RIMS1: variants seen among roughly 807,000 people sequenced by gnomAD.
RIMS1 encodes regulating synaptic membrane exocytosis protein 1.
In RIMS1, 83 loss-of-function variants were observed where a neutral mutation model predicts 214.1. The ratio of observed to expected loss-of-function variants is 0.39; its 90% CI spans 0.32 to 0.47. The LOEUF is 0.47. Among genes scored for constraint, RIMS1 ranks in the 20% least tolerant of loss-of-function variants. The pLI is 0.99. For synonymous variants in RIMS1, 793 were observed against 786.8 expected (o/e 1.01, Z -0.13); for missense variants, 2,050 against 2,161.8 (o/e 0.95, Z 1.03).
chr6:72,217,198 G>A, intron 6 of RIMS1: 1 of 1,536,790 alleles, frequency 6.5e-7, no homozygotes, highest in South Asian at 1.2e-5. Context: ...TATGTTTGCT[G>A]GGTTTCTGCA....
At chr6:71,899,747 C>G (rs1486556236) in intron 1 of RIMS1, among the ~76,000 whole-genome samples, 2 of 152,074 alleles carry the variant, frequency 1.3e-5, no homozygotes, top group African/African-American at 4.8e-5. Flanking sequence ...CCATATGATC[C>G]CAACATGGCT....
intron 2 of RIMS1, among the ~76,000 whole-genome samples, chr6:72,089,313 C>G (rs1274147462): frequency 6.6e-6 from 1 of 152,126 alleles, no homozygotes; most frequent in African/African-American, 2.4e-5. Context: ...TTCCCGGGAT[C>G]TCCTGCTGTG....
At chr6:72,127,704 G>A (rs943170410) in intron 4 of RIMS1, among the ~76,000 whole-genome samples, 1 of 152,118 alleles carries the variant, frequency 6.6e-6, no homozygotes, top group Non-Finnish European at 1.5e-5. Flanking sequence ...GCTTTTGAGG[G>A]AAATATAATT....
At chr6:72,377,482 C>T (rs879859566) in intron 29 of RIMS1, among the ~76,000 whole-genome samples, 1 of 152,042 alleles carries the variant, frequency 6.6e-6, no homozygotes, top group Non-Finnish European at 1.5e-5. Context: ...TTGGCCCCCT[C>T]TTGGTCTATG....
chr6:72,388,719 G>A (rs1282995599), intron 29 of RIMS1, among the ~76,000 whole-genome samples: 5 of 152,154 alleles, frequency 3.3e-5, no homozygotes, highest in Non-Finnish European at 7.4e-5. Context: ...AAGAGGATTC[G>A]CTGATGGATT....
chr6:71,995,711 T>G (rs1026590700), intron 2 of RIMS1, among the ~76,000 whole-genome samples: 1 of 152,192 alleles, frequency 6.6e-6, no homozygotes, highest in African/African-American at 2.4e-5. Flanking sequence ...GGCTGCCATC[T>G]TATGTCCTCA....
chr6:72,285,495 G>C (rs1267078748), intron 24 of RIMS1, among the ~76,000 whole-genome samples: 1 of 152,198 alleles, frequency 6.6e-6, no homozygotes, highest in African/African-American at 2.4e-5. Context: ...ACATATCAAG[G>C]GATGTGGTAT....
intron 4 of RIMS1, among the ~76,000 whole-genome samples, chr6:72,177,175 G>A (rs1391833202): frequency 6.6e-6 from 1 of 151,978 alleles, no homozygotes; most frequent in Non-Finnish European, 1.5e-5. Context: ...GTGTTTTCTG[G>A]TTTTTTAAAA....
chr6:72,267,010 A>C (rs2080904036), intron 22 of RIMS1, among the ~76,000 whole-genome samples: 1 of 152,044 alleles, frequency 6.6e-6, no homozygotes, highest in African/African-American at 2.4e-5. Context: ...TTATTTCTGG[A>C]ATTGAACAAT....
intron 29 of RIMS1, among the ~76,000 whole-genome samples, chr6:72,381,446 C>G (rs1274396014): frequency 6.6e-6 from 1 of 152,220 alleles, no homozygotes; most frequent in Admixed American, 6.5e-5. Context: ...TGAAATCAAA[C>G]AATTTACACG....
chr6:72,392,576 AAAC>A (rs1011957943), intron 30 of RIMS1, 119 bp from the exon 31 acceptor site: 2 of 763,974 alleles, frequency 2.6e-6, no homozygotes, highest in African/African-American at 3.5e-5. Flanking sequence ...TCAATTAAAA[AAAC>A]AGATTGTCTA....
At chr6:71,987,887 C>T (rs1360602651) in intron 2 of RIMS1, among the ~76,000 whole-genome samples, 1 of 152,100 alleles carries the variant, frequency 6.6e-6, no homozygotes, top group Non-Finnish European at 1.5e-5. Flanking sequence ...TGTCATATTT[C>T]TCAAACTTGA....
chr6:71,959,077 CT>C (rs1792146933), intron 1 of RIMS1, among the ~76,000 whole-genome samples: 1 of 151,908 alleles, frequency 6.6e-6, no homozygotes, highest in African/African-American at 2.4e-5. Flanking sequence ...CCTGTGACCT[CT>C]TGACAAAATA....
chr6:72,042,901 G>A (rs990037965), intron 2 of RIMS1, among the ~76,000 whole-genome samples: 3 of 151,712 alleles, frequency 2.0e-5, no homozygotes, highest in Non-Finnish European at 3.0e-5. Context: ...TAAGTATTCC[G>A]TGAAATTAGT....
rs1193411788 is a variant in RIMS1, at chr6:72,277,474, C to T, written c.3482+3042C>T. On this transcript the variant is annotated intron_variant, in intron 23 of 33. Transcript: ENST00000521978. ...GCAGGCGCCTGTAGTCCCAGCTATT[C>T]GGGAGGCTCAGGCAGGAGAATGGCG... Among the ~76,000 whole-genome samples, 16 of 151,782 alleles carry T rather than the reference C, an allele frequency of 1.1e-4. No homozygotes were observed. In the East Asian group the frequency reaches 2.7e-3, roughly 26 times the overall value.
At position 72,024,511 on chromosome 6, in the gene RIMS1, T is replaced by C. The variant is rs79105098; in HGVS notation, c.245+55448T>C. Among the ~76,000 whole-genome samples the C allele has an allele frequency of 6.6e-5, 10 of 152,300 alleles. No homozygotes were observed. In the East Asian group the frequency reaches 1.9e-3, roughly 29 times the overall value. ...AGGCACTCAAATAATATTTGTTATT[T>C]GTATTAAAATTTAGCTCCCAGGATT... On this transcript the variant is annotated intron_variant, in intron 2 of 33. Transcript: ENST00000521978.
chr6:71,935,159 C>G (rs1011641550), intron 1 of RIMS1, among the ~76,000 whole-genome samples: 1 of 152,130 alleles, frequency 6.6e-6, no homozygotes, highest in Non-Finnish European at 1.5e-5. Context: ...AAAAATTAAC[C>G]TAAAGAATTA....
chr6:72,353,346 A>C (rs1048623648), intron 29 of RIMS1, among the ~76,000 whole-genome samples: 5 of 152,060 alleles, frequency 3.3e-5, no homozygotes, highest in Admixed American at 2.6e-4. Flanking sequence ...TGTTACTGTA[A>C]AATTTGTGCA....
At chr6:71,955,566 T>G (rs1472741239) in intron 1 of RIMS1, among the ~76,000 whole-genome samples, 2 of 152,182 alleles carry the variant, frequency 1.3e-5, no homozygotes, top group Non-Finnish European at 1.5e-5. Context: ...TAGGTTGCTT[T>G]GTTACTGATT....
Sources: gnomAD v4.1 joint callset for allele counts (sites outside exome capture counted in the v4.1 genomes callset) on GRCh38, gnomAD v4.1.1 for gene constraint, MANE v1.5 for transcripts, NCBI Gene and HGNC (gene_info 2026-07-23, HGNC 2026-07-21) for gene names.